CNTNAP2: variants seen among roughly 807,000 people sequenced by gnomAD.
CNTNAP2 encodes the protein contactin-associated protein-like 2.
In CNTNAP2, 98 loss-of-function variants were observed where a neutral mutation model predicts 155.2. The ratio of observed to expected loss-of-function variants is 0.63; its 90% CI spans 0.54 to 0.75. CNTNAP2 has a LOEUF of 0.75. CNTNAP2 is among the 30% of genes least tolerant of loss of function. CNTNAP2 has a pLI of 0.00. For synonymous variants in CNTNAP2, 651 were observed against 631.2 expected (o/e 1.03, Z -0.47); for missense variants, 1,727 against 1,688.1 (o/e 1.02, Z -0.40).
chr7:146,532,191 C>A (rs1241623223), intron 1 of CNTNAP2, among the ~76,000 whole-genome samples: 2 of 151,986 alleles, frequency 1.3e-5, no homozygotes, highest in African/African-American at 4.8e-5. Context: ...ACAACAAAAT[C>A]TCAAGATTTT....
At chr7:147,486,413 A>C (rs960669873) in intron 11 of CNTNAP2, among the ~76,000 whole-genome samples, 2 of 152,106 alleles carry the variant, frequency 1.3e-5, no homozygotes, top group Non-Finnish European at 2.9e-5. Flanking sequence ...TTTATTAATT[A>C]ATCCGAGAGG....
At chr7:147,794,890 T>A (rs1314800695) in intron 13 of CNTNAP2, among the ~76,000 whole-genome samples, 2 of 151,876 alleles carry the variant, frequency 1.3e-5, no homozygotes, top group African/African-American at 4.8e-5. Flanking sequence ...GTTCATAGTT[T>A]CCCTTATCAT....
chr7:148,330,257 TGGAC>T (rs1281375025), intron 21 of CNTNAP2, among the ~76,000 whole-genome samples: 206 of 118,332 alleles, frequency 1.7e-3, no homozygotes, highest in African/African-American at 6.4e-3. Flanking sequence ...ATCGATGGAG[TGGAC>T]GGATGGATGT....
At chr7:148,393,649 T>C (rs984926393) in intron 22 of CNTNAP2, among the ~76,000 whole-genome samples, 1 of 152,192 alleles carries the variant, frequency 6.6e-6, no homozygotes, top group Non-Finnish European at 1.5e-5. Context: ...TTGATACTAC[T>C]ACAAACCATC....
At chr7:146,351,687 G>T (rs1018717363) in intron 1 of CNTNAP2, among the ~76,000 whole-genome samples, 2 of 152,018 alleles carry the variant, frequency 1.3e-5, no homozygotes, top group Non-Finnish European at 2.9e-5. Context: ...CCTGTTTATT[G>T]TTTTAACTTT....
chr7:147,858,908 A>G (rs1799089549), intron 13 of CNTNAP2, among the ~76,000 whole-genome samples: 1 of 152,072 alleles, frequency 6.6e-6, no homozygotes, highest in African/African-American at 2.4e-5. Flanking sequence ...AAATTAAGTT[A>G]TTTTGTTTGA....
At chr7:147,039,188 A>G (rs529588889) in intron 3 of CNTNAP2, among the ~76,000 whole-genome samples, 193 of 136,062 alleles carry the variant, frequency 1.4e-3, no homozygotes, top group Middle Eastern at 0.011. Flanking sequence ...GTATACATAT[A>G]TGTGTATGTG....
At chr7:148,002,113 T>C (rs1403808972) in intron 15 of CNTNAP2, among the ~76,000 whole-genome samples, 2 of 152,214 alleles carry the variant, frequency 1.3e-5, no homozygotes, top group African/African-American at 2.4e-5. Context: ...CCATAATTAG[T>C]TGCATGTATA....
intron 13 of CNTNAP2, among the ~76,000 whole-genome samples, chr7:147,792,738 A>ATATTG (rs1797838960): frequency 6.6e-6 from 1 of 152,144 alleles, no homozygotes; most frequent in African/African-American, 2.4e-5. Flanking sequence ...TTGCTGGGCT[A>ATATTG]TATTGTAACA....
chr7:147,222,054 A>G (rs1803413807), intron 8 of CNTNAP2, among the ~76,000 whole-genome samples: 1 of 152,086 alleles, frequency 6.6e-6, no homozygotes, highest in Non-Finnish European at 1.5e-5. Flanking sequence ...TAATTTGAAA[A>G]TTGTGTGCCT....
intron 1 of CNTNAP2, among the ~76,000 whole-genome samples, chr7:146,243,954 G>A (rs1003616250): frequency 1.3e-5 from 2 of 152,080 alleles, no homozygotes; most frequent in African/African-American, 4.8e-5. Context: ...GATTAGGGGC[G>A]GTGTGGGAAC....
intron 1 of CNTNAP2, among the ~76,000 whole-genome samples, chr7:146,636,137 C>A (rs1279068905): frequency 6.8e-6 from 1 of 148,074 alleles, no homozygotes; most frequent in Non-Finnish European, 1.5e-5. Flanking sequence ...AATTCCAGGA[C>A]ACAAAAGTAG....
chr7:146,798,951 T>C (rs530317111), intron 2 of CNTNAP2, among the ~76,000 whole-genome samples: 122 of 152,306 alleles, frequency 8.0e-4, no homozygotes, highest in African/African-American at 2.7e-3. Flanking sequence ...GTGAGCTAAA[T>C]TGTATTTCAG....
chr7:146,128,763 C>T (rs889806206), intron 1 of CNTNAP2, among the ~76,000 whole-genome samples: 1 of 151,870 alleles, frequency 6.6e-6, no homozygotes, highest in Non-Finnish European at 1.5e-5. Flanking sequence ...GTTATAGCAA[C>T]AAATATACAT....
At chr7:146,366,595 G>A (rs774889149) in intron 1 of CNTNAP2, among the ~76,000 whole-genome samples, 8 of 152,082 alleles carry the variant, frequency 5.3e-5, no homozygotes, top group Admixed American at 1.3e-4. Context: ...AGGGATTTAG[G>A]ATATGTGGTC....
chr7:146,941,916 A>G (rs1797065908), intron 3 of CNTNAP2, among the ~76,000 whole-genome samples: 1 of 151,942 alleles, frequency 6.6e-6, no homozygotes, highest in Non-Finnish European at 1.5e-5. Context: ...TGCTGTTTTC[A>G]GAATTCTCTC....
intron 23 of CNTNAP2, among the ~76,000 whole-genome samples, chr7:148,412,105 G>T (rs1257465581): frequency 1.0e-5 from 1 of 98,364 alleles, no homozygotes; most frequent in African/African-American, 4.4e-5. Flanking sequence ...ACCATGTCCA[G>T]CTAATTTTTG....
chr7:147,145,215 C>A (rs1801677773), intron 8 of CNTNAP2, among the ~76,000 whole-genome samples: 1 of 152,020 alleles, frequency 6.6e-6, no homozygotes, highest in Non-Finnish European at 1.5e-5. Flanking sequence ...ATAATGCAGG[C>A]AAGTAAGGAG....
chr7:148,201,301 G>C (rs1795366471), intron 18 of CNTNAP2, among the ~76,000 whole-genome samples: 1 of 152,184 alleles, frequency 6.6e-6, no homozygotes, highest in Non-Finnish European at 1.5e-5. Context: ...TGAATAAAAG[G>C]CTTGAAGCTC....
Sources: gnomAD v4.1 joint callset for allele counts (sites outside exome capture counted in the v4.1 genomes callset) on GRCh38, gnomAD v4.1.1 for gene constraint, MANE v1.5 for transcripts, NCBI Gene and HGNC (gene_info 2026-07-23, HGNC 2026-07-21) for gene names.